The following ADCY2 variants were observed in gnomAD, a reference collection of about 807,000 sequenced individuals.
ADCY2 encodes adenylate cyclase type 2.
ADCY2 carries 31 observed loss-of-function variants against 125.2 expected under a neutral mutation model. That is an observed-to-expected ratio of 0.25 (90% CI 0.19 to 0.33). ADCY2 has a LOEUF of 0.33. Among genes scored for constraint, ADCY2 ranks in the 10% least tolerant of loss-of-function variants. The probability of loss-of-function intolerance (pLI) is 1.00; values close to 1 mark genes in which losing one functional copy is unlikely to be tolerated. For missense variants in ADCY2, 904 were observed against 1,418.2 expected, an observed-to-expected ratio of 0.64 and a Z score of 5.82; for synonymous variants, 512 against 548.4, an observed-to-expected ratio of 0.93 and a Z score of 0.93.
In ADCY2 at chr5:7,743,701, G is replaced by A. The variant is rs148341518; in HGVS notation, c.1905G>A (p.Ala635=). ...TCCTGGGCATCTCCTTTGGGGCTGC[G>A]TTTCTCTTGCTGGCCTTCATCCTCT... ...TSVLGISFGA[A]FLLLAFILFV... The change falls in exon 15 of 25, where the codon GCG becomes GCA. Residue 635 remains alanine, a synonymous_variant. Coordinates refer to ENST00000338316, the MANE Select transcript of ADCY2 (RefSeq NM_020546.3). 5.0e-6 allele frequency: 8 copies of A among 1,613,956 alleles called. No individual in the cohort carries two copies. The African/African-American group carries it at 5.3e-5, about 11-fold the overall frequency.
intron 2 of ADCY2, among the ~76,000 whole-genome samples, chr5:7,491,427 A>G (rs962568702): frequency 6.6e-6 from 1 of 152,150 alleles, no homozygotes; most frequent in Non-Finnish European, 1.5e-5. Flanking sequence ...TTATCACATT[A>G]CCTACTTTCT....
At chr5:7,455,087 A>C (rs1281565264) in intron 2 of ADCY2, among the ~76,000 whole-genome samples, 1 of 152,128 alleles carries the variant, frequency 6.6e-6, no homozygotes, top group Non-Finnish European at 1.5e-5. Flanking sequence ...CCCACCTGTG[A>C]AATTGGGTTT....
Position 7,742,036 on chromosome 5 carries a change from T to TA in ADCY2, c.1872-1622dup, listed in dbSNP as rs1258747868. On this transcript the variant is annotated intron_variant, in intron 14 of 24. Coordinates refer to ENST00000338316, the MANE Select transcript of ADCY2 (RefSeq NM_020546.3). ...TTCAGTATTTAAACAGTTTGGGGCC[T>TA]AAAAAAAAAAGACGAAATGTTGTTT... Among the ~76,000 whole-genome samples, 372 of 124,272 alleles carry TA rather than the reference T, an allele frequency of 3.0e-3. 2 individuals carry two copies. The highest frequency in any genetic ancestry group is 9.2e-3 in the African/African-American group (304 of 32,888). The allele number at this position is 124,272 out of a possible 152,430, so 81.5% of individuals were successfully genotyped here. A position where few individuals can be genotyped will look rare whatever the true frequency, so the allele number is the denominator to read the frequency against.
intron 2 of ADCY2, among the ~76,000 whole-genome samples, chr5:7,508,173 A>G (rs1434502142): frequency 6.6e-6 from 1 of 152,184 alleles, no homozygotes; most frequent in Admixed American, 6.5e-5. Flanking sequence ...TCCAATGGGT[A>G]AACATTTTGC....
intron 3 of ADCY2, among the ~76,000 whole-genome samples, chr5:7,574,266 G>A (rs536509555): frequency 6.7e-6 from 1 of 149,624 alleles, no homozygotes; most frequent in Non-Finnish European, 1.5e-5. Flanking sequence ...AGTCATTTGG[G>A]TATATACCCA....
chr5:7,450,522 C>G (rs1347314631), intron 2 of ADCY2, among the ~76,000 whole-genome samples: 1 of 152,170 alleles, frequency 6.6e-6, no homozygotes, highest in East Asian at 1.9e-4. Flanking sequence ...ACATCATTTC[C>G]TTAACATAAA....
intron 3 of ADCY2, among the ~76,000 whole-genome samples, chr5:7,574,959 A>G (rs778055683): frequency 1.3e-5 from 2 of 152,224 alleles, no homozygotes; most frequent in African/African-American, 2.4e-5. Context: ...CAATATGAGA[A>G]AATTCTTATA....
At chr5:7,732,603 T>C (rs1742138005) in intron 14 of ADCY2, among the ~76,000 whole-genome samples, 1 of 152,256 alleles carries the variant, frequency 6.6e-6, no homozygotes, top group South Asian at 2.1e-4. Context: ...GGCATTTTTG[T>C]TAGAATAATG....
chr5:7,687,060 G>A (rs1391101315), intron 4 of ADCY2, among the ~76,000 whole-genome samples: 6 of 152,098 alleles, frequency 3.9e-5, no homozygotes, highest in Non-Finnish European at 7.4e-5. Context: ...TATTAGGCTG[G>A]GTGGCAGTTA....
chr5:7,433,224 T>C (rs1740671279), intron 2 of ADCY2, among the ~76,000 whole-genome samples: 1 of 152,208 alleles, frequency 6.6e-6, no homozygotes, highest in South Asian at 2.1e-4. Context: ...TGAAGTAGAA[T>C]AAAGTTACTG....
At chr5:7,796,542 T>C (rs189448602) in intron 20 of ADCY2, 1 of 152,356 alleles carries the variant, frequency 6.6e-6, no homozygotes, top group East Asian at 1.9e-4. Context: ...AAAGGTTTTA[T>C]TTCAATGAAG....
intron 5 of ADCY2, among the ~76,000 whole-genome samples, chr5:7,693,413 G>GTTTTGTTTT (rs1740779550): frequency 2.2e-4 from 7 of 32,418 alleles, no homozygotes; most frequent in African/African-American, 4.7e-4. Context: ...GCTGTTTTTT[G>GTTTTGTTTT]TTTTTTTTTT....
At chr5:7,404,665 G>A (rs1257906311) in intron 1 of ADCY2, among the ~76,000 whole-genome samples, 6 of 152,208 alleles carry the variant, frequency 3.9e-5, no homozygotes, top group Admixed American at 3.9e-4. Context: ...CAGAGTAAAT[G>A]TTCTTAGTTG....
intron 4 of ADCY2, among the ~76,000 whole-genome samples, chr5:7,635,865 G>A (rs1738483445): frequency 6.6e-6 from 1 of 152,236 alleles, no homozygotes; most frequent in South Asian, 2.1e-4. Context: ...TCCCTCTCAT[G>A]ATAGTGGCTG....
intron 14 of ADCY2, among the ~76,000 whole-genome samples, chr5:7,739,743 C>T (rs1257806852): frequency 6.6e-6 from 1 of 151,804 alleles, no homozygotes; most frequent in African/African-American, 2.4e-5. Context: ...AGAGGACTCA[C>T]TACAGACTCT....
Position 7,612,545 on chromosome 5 carries a change from T to C in ADCY2, c.571-13622T>C, listed in dbSNP as rs572037182. ...TCATGGGGAGCACTGGAGTTTATTC[T>C]ACCCTGAAGCAGGAATGCTGCTGTA... is the stretch of plus-strand genomic sequence containing the variant. On this transcript the variant is annotated intron_variant, in intron 3 of 24. Coordinates refer to ENST00000338316, the MANE Select transcript of ADCY2 (RefSeq NM_020546.3). Among the ~76,000 whole-genome samples the C allele has an allele frequency of 3.7e-4, 57 of 152,322 alleles. 2 individuals are homozygous for C. The South Asian group carries it at 0.01, about 28-fold the overall frequency.
At chr5:7,514,606 C>G (rs1270770493) in intron 2 of ADCY2, among the ~76,000 whole-genome samples, 1 of 152,162 alleles carries the variant, frequency 6.6e-6, no homozygotes. Context: ...GAATGTGACC[C>G]TTATTTGAAA....
At chr5:7,441,524 G>GA (rs148775552) in intron 2 of ADCY2, among the ~76,000 whole-genome samples, 1 of 150,640 alleles carries the variant, frequency 6.6e-6, no homozygotes, top group East Asian at 1.9e-4. Flanking sequence ...CCTGACAGAG[G>GA]AAAAAAAATA....
At chr5:7,546,117 A>G (rs1735139385) in intron 3 of ADCY2, among the ~76,000 whole-genome samples, 1 of 152,288 alleles carries the variant, frequency 6.6e-6, no homozygotes, top group South Asian at 2.1e-4. Flanking sequence ...GTTAGGGGAC[A>G]CAAAATGTTT....
Sources: allele counts gnomAD v4.1 joint callset (sites outside exome capture counted in the v4.1 genomes callset), GRCh38; gene constraint gnomAD v4.1.1; transcripts MANE v1.5; gene names NCBI Gene and HGNC (gene_info 2026-07-23, HGNC 2026-07-21).